RNF19A: variants seen among roughly 807,000 people sequenced by gnomAD.
The protein encoded by RNF19A is ring finger protein 19A, RBR E3 ubiquitin protein ligase.
A neutral mutation model predicts 75.7 loss-of-function variants in RNF19A; 32 were observed. That is an observed-to-expected ratio of 0.42 (90% CI 0.32 to 0.57). RNF19A has a LOEUF of 0.57. RNF19A is among the 20% of genes least tolerant of loss of function. The pLI is 0.10. For synonymous variants in RNF19A, 335 were observed against 345.2 expected (o/e 0.97, Z 0.33); for missense variants, 782 against 1,036.3 (o/e 0.75, Z 3.37).
chr8:100,271,345 T>C (rs1322942510), intron 3 of RNF19A, among the ~76,000 whole-genome samples: 1 of 152,196 alleles, frequency 6.6e-6, no homozygotes, highest in Admixed American at 6.5e-5. Flanking sequence ...AGTCTGCATT[T>C]AACAATTTTA....
At chr8:100,289,544 G>A (rs1310504806) in intron 1 of RNF19A, among the ~76,000 whole-genome samples, 1 of 152,172 alleles carries the variant, frequency 6.6e-6, no homozygotes, top group Admixed American at 6.5e-5. Flanking sequence ...GATATGAAAA[G>A]TGCTCAACAT....
Position 100,269,202 on chromosome 8 carries a change from T to C in RNF19A, c.1029-255A>G, listed in dbSNP as rs188252296. Among the ~76,000 whole-genome samples the C allele has an allele frequency of 1.2e-3, 187 of 151,418 alleles. 1 individual carries two copies. The highest frequency in any genetic ancestry group is 4.2e-3 in the African/African-American group (173 of 41,430). ...TTAACAAGATACTGATAACTGAAAT[T>C]CAGGTTAAAAATTTATCCCTAGTCT... On this transcript the variant is annotated intron_variant, in intron 4 of 9. Coordinates refer to ENST00000341084, the MANE Select transcript of RNF19A (RefSeq NM_183419.4). The surrounding 1 kb of genome is among the most constrained non-coding windows in gnomAD (Gnocchi z 5.7).
chr8:100,290,225 CTGCCTCAGCTGGGATTACAGGCA>C (rs1364422336), intron 1 of RNF19A, among the ~76,000 whole-genome samples: 1 of 152,160 alleles, frequency 6.6e-6, no homozygotes, highest in African/African-American at 2.4e-5. Context: ...AGCAATTCTC[CTGCCTCAGCTGGGATTACAGGCA>C]TGCGCCACCA....
chr8:100,291,473 G>A lies in RNF19A; in HGVS notation c.-93-3206C>T, dbSNP rs78383643. 7.5e-3 allele frequency among the ~76,000 whole-genome samples: 1,138 copies of A among 152,282 alleles called. 8 individuals are homozygous for A. The highest frequency in any genetic ancestry group is 0.031 in the Middle Eastern group (9 of 294). Reference sequence around the variant, plus strand: ...TACCTTCAGAAGTGCTTCAGGATTCGTAAAACATGTTAAGTATCCTGACAC... The same window carrying A: ...TACCTTCAGAAGTGCTTCAGGATTCATAAAACATGTTAAGTATCCTGACAC... On this transcript the variant is annotated intron_variant, in intron 1 of 9. Coordinates refer to ENST00000341084, the MANE Select transcript of RNF19A (RefSeq NM_183419.4).
chr8:100,320,593 T>A (rs980189758), intron 1 of RNF19A, among the ~76,000 whole-genome samples: 1 of 152,230 alleles, frequency 6.6e-6, no homozygotes, highest in African/African-American at 2.4e-5. Flanking sequence ...CAGTACAAGG[T>A]CTAAAATGAC....
rs1821507081 is a variant in RNF19A, at chr8:100,295,370, A to G, written c.-93-7103T>C. Among the ~76,000 whole-genome samples the G allele has an allele frequency of 2.6e-5, 4 of 152,316 alleles. No homozygotes were observed. The South Asian group carries it at 8.3e-4, about 32-fold the overall frequency. ...TTTTCTAATACCCAAACATTTTGGT[A>G]GACAATTTAAGTTGCACAAAAGAAA... On this transcript the variant is annotated intron_variant, in intron 1 of 9. Transcript: ENST00000341084.
intron 1 of RNF19A, among the ~76,000 whole-genome samples, chr8:100,293,230 T>C (rs928598294): frequency 6.6e-6 from 1 of 152,264 alleles, no homozygotes; most frequent in African/African-American, 2.4e-5. Context: ...CCACTTTTCA[T>C]CTGGTGTCAT....
upstream of RNF19A, among the ~76,000 whole-genome samples, chr8:100,313,821 T>C (rs1255283162): frequency 6.6e-6 from 1 of 152,010 alleles, no homozygotes; most frequent in East Asian, 1.9e-4. Context: ...TGGTTTTGGT[T>C]TTGGTTTTGG....
Position 100,317,981 on chromosome 8 carries a change from A to T in RNF19A, c.-242-4609T>A, listed in dbSNP as rs1371867. ...TTTTTGCCCCTGGATAGGGCCTAGA[A>T]CACCCCCTCCCCACCCTCTCCAGCC... On this transcript the variant is annotated intron_variant, in intron 1 of 3. Coordinates refer to the RNF19A transcript ENST00000519527. This position sits in a 1 kb window ranked among gnomAD's most constrained non-coding sequence, Gnocchi z 4.3. Among the ~76,000 whole-genome samples the T allele has an allele frequency of 6.6e-6, 1 of 151,718 alleles. No individual in the cohort carries two copies. The highest frequency in any genetic ancestry group is 2.1e-4 in the South Asian group (1 of 4,810).
intron 1 of RNF19A, among the ~76,000 whole-genome samples, chr8:100,288,829 G>C (rs774157471): frequency 6.6e-6 from 1 of 152,076 alleles, no homozygotes; most frequent in Admixed American, 6.5e-5. Flanking sequence ...GGGAGGCCAG[G>C]ATGGGCGGAT....
At chr8:100,309,302 C>T in intron 1 of RNF19A, 1 of 985,442 alleles carries the variant, frequency 1.0e-6, no homozygotes, top group Non-Finnish European at 1.2e-6. Flanking sequence ...ACTAACCTTC[C>T]TCCGAACACA....
chr8:100,298,776 A>C (rs966126871), intron 1 of RNF19A, among the ~76,000 whole-genome samples: 4 of 152,220 alleles, frequency 2.6e-5, no homozygotes, highest in African/African-American at 9.6e-5. Context: ...TATTACAAAA[A>C]GTAAGCTGCT....
intron 1 of RNF19A, 129 bp downstream of exon 1, chr8:100,309,738 C>T (rs79689700): frequency 0.043 from 42,190 of 984,356 alleles, 981 homozygotes; most frequent in Non-Finnish European, 0.046. Flanking sequence ...CACCGGACTT[C>T]CGAATCCATT....
chr8:100,271,217 T>G (rs933804000), intron 3 of RNF19A, among the ~76,000 whole-genome samples: 2 of 152,060 alleles, frequency 1.3e-5, no homozygotes, highest in African/African-American at 4.8e-5. Context: ...GCTTTAATGA[T>G]TCAAGCAATT....
chr8:100,270,742 G>A (rs1384849007), intron 3 of RNF19A, among the ~76,000 whole-genome samples: 1 of 152,038 alleles, frequency 6.6e-6, no homozygotes, highest in East Asian at 1.9e-4. Context: ...TGTTAGTTAT[G>A]CTCATGACTT....
At chr8:100,306,644 CA>C (rs1439901699) in intron 1 of RNF19A, among the ~76,000 whole-genome samples, 2 of 151,764 alleles carry the variant, frequency 1.3e-5, no homozygotes, top group African/African-American at 4.9e-5. Flanking sequence ...AAATGAAGTA[CA>C]CAAGTTTTAA....
At chr8:100,286,696 C>G (rs1324186125) in intron 2 of RNF19A, among the ~76,000 whole-genome samples, 1 of 152,032 alleles carries the variant, frequency 6.6e-6, no homozygotes, top group East Asian at 1.9e-4. Flanking sequence ...GAGATTATAC[C>G]CAGATAATCT....
Position 100,257,488 on chromosome 8 carries a change from G to C in RNF19A, c.*1068C>G, listed in dbSNP as rs1819511040. The C allele has an allele frequency of 2.0e-5, 3 of 152,694 alleles. No individual in the cohort carries two copies. Among genetic ancestry groups the C allele is most frequent in the Admixed American group, 2.0e-4 (3 of 15,280 alleles). The allele number at this position is 152,694 out of a possible 1,614,324, so 9.5% of individuals were successfully genotyped here. A position where few individuals can be genotyped will look rare whatever the true frequency, so the allele number is the denominator to read the frequency against. ...AATGCTAATCATACATGGACCTTTT[G>C]TACTTGGTACAAGTTCTGCACCGTG... On this transcript the variant is annotated 3_prime_UTR_variant, in exon 10 of 10. Coordinates refer to ENST00000341084, the MANE Select transcript of RNF19A (RefSeq NM_183419.4).
In RNF19A at chr8:100,274,983, T is replaced by C. The variant is rs776454129; in HGVS notation, c.853A>G (p.Ile285Val). ...GCTCCAGACTCTTGACTATAACTAA[T>C]GGATGAAGAACGTATAGTTCTCAAA... ...LRLRTIRSSS[I>V]SYSQESGAAA... is the part of the protein sequence containing the mutation. The change falls in exon 3 of 10, where the codon ATT (isoleucine) becomes GTT (valine). Residue 285 changes from isoleucine (I) to valine (V), a missense_variant. This residue lies in a region of RNF19A where 34 missense variants were observed against 25.2 expected (regional missense o/e 1.35). Coordinates refer to ENST00000341084, the MANE Select transcript of RNF19A (RefSeq NM_183419.4). 7 of 1,614,078 alleles carry C rather than the reference T, an allele frequency of 4.3e-6. No individual in the cohort carries two copies. In the South Asian group the frequency reaches 5.5e-5, roughly 13 times the overall value.
Sources: allele counts gnomAD v4.1 joint callset (sites outside exome capture counted in the v4.1 genomes callset), GRCh38; gene constraint gnomAD v4.1.1; regional missense constraint gnomAD v4.1.1; non-coding constraint Gnocchi (gnomAD v3.1); transcripts MANE v1.5; gene names NCBI Gene and HGNC (gene_info 2026-07-23, HGNC 2026-07-21).